FRMPD4: variants seen among roughly 807,000 people sequenced by gnomAD.
FRMPD4 encodes FERM and PDZ domain containing 4.
A neutral mutation model predicts 94.1 loss-of-function variants in FRMPD4; 22 were observed. The observed-to-expected ratio is 0.23, with a 90% CI of 0.17 to 0.33. FRMPD4 has a LOEUF of 0.33. Among genes scored for constraint, FRMPD4 ranks in the 10% least tolerant of loss-of-function variants. FRMPD4 has a pLI of 1.00. For synonymous variants in FRMPD4, 631 were observed against 548.6 expected, an observed-to-expected ratio of 1.15 and a Z score of -2.10; for missense variants, 1,111 against 1,339.9, an observed-to-expected ratio of 0.83 and a Z score of 2.67.
At chrX:11,980,945 G>T (rs1234291924) in intron 3 of FRMPD4, among the ~76,000 whole-genome samples, 1 of 111,307 alleles carries the variant, frequency 9.0e-6, no homozygotes, top group Non-Finnish European at 1.9e-5. Context: ...CCGCCCCTGG[G>T]CCATTGTAGT....
chrX:11,967,690 A>T (rs1280356030), intron 3 of FRMPD4, among the ~76,000 whole-genome samples: 1 of 108,283 alleles, frequency 9.2e-6, no homozygotes, highest in Non-Finnish European at 1.9e-5. Context: ...GCTGGACTTA[A>T]CAGGAACCGG....
At chrX:11,927,377 C>T (rs1003946036) in intron 3 of FRMPD4, among the ~76,000 whole-genome samples, 1 of 111,872 alleles carries the variant, frequency 8.9e-6, no homozygotes, top group Non-Finnish European at 1.9e-5. Flanking sequence ...TGAGAATCTT[C>T]ACAGAACTAG....
chrX:12,704,846 T>C (rs1314634158), intron 11 of FRMPD4, among the ~76,000 whole-genome samples: 1 of 112,229 alleles, frequency 8.9e-6, no homozygotes, highest in Non-Finnish European at 1.9e-5. Context: ...CCAGCTTCAA[T>C]GCACAACAGC....
chrX:12,460,924 TAAGTTTGTCATTTACCTTCTTGG>T (rs1384396446), intron 1 of FRMPD4, among the ~76,000 whole-genome samples: 1 of 112,376 alleles, frequency 8.9e-6, no homozygotes, highest in Non-Finnish European at 1.9e-5. Context: ...CATGTTTATG[TAAGTTTGTCATTTACCTTCTTGG>T]AAGAGATTGT....
intron 1 of FRMPD4, among the ~76,000 whole-genome samples, chrX:12,298,823 C>T (rs983026734): frequency 1.8e-5 from 2 of 112,501 alleles, no homozygotes; most frequent in African/African-American, 6.5e-5. Context: ...CCCTCCACCT[C>T]TCTCTGTGTA....
At chrX:12,199,707 T>A (rs1039868099) in intron 1 of FRMPD4, among the ~76,000 whole-genome samples, 1 of 112,043 alleles carries the variant, frequency 8.9e-6, no homozygotes, top group Middle Eastern at 4.6e-3. Context: ...GCAGAGCCAA[T>A]TTATCAAGAC....
At chrX:12,266,120 G>A (rs1362394243) in intron 1 of FRMPD4, among the ~76,000 whole-genome samples, 11 of 70,898 alleles carry the variant, frequency 1.6e-4, no homozygotes, top group Non-Finnish European at 1.9e-4. Context: ...GCGACACAGC[G>A]AGACTCCGTC....
intron 1 of FRMPD4, among the ~76,000 whole-genome samples, chrX:12,483,788 T>C (rs1035800622): frequency 1.8e-5 from 2 of 112,270 alleles, no homozygotes; most frequent in African/African-American, 3.2e-5. Context: ...TTTCTAAGTT[T>C]TTAAAACACC....
chrX:12,472,813 T>G (rs1164911817), intron 1 of FRMPD4, among the ~76,000 whole-genome samples: 1 of 103,411 alleles, frequency 9.7e-6, no homozygotes. Context: ...TGGGACTATG[T>G]GAAAAGACCA....
chrX:12,267,614 T>G (rs936784643), intron 1 of FRMPD4, among the ~76,000 whole-genome samples: 3 of 109,023 alleles, frequency 2.8e-5, no homozygotes, highest in Non-Finnish European at 5.8e-5. Context: ...ATGGTTCGCT[T>G]GAATATTTTG....
At chrX:12,069,677 G>T (rs770344617) in intron 3 of FRMPD4, among the ~76,000 whole-genome samples, 1 of 111,802 alleles carries the variant, frequency 8.9e-6, no homozygotes, top group South Asian at 3.8e-4. Flanking sequence ...AAGGAAGAGG[G>T]CTGGGCCCAG....
At chrX:11,884,391 A>C (rs1249765546) in intron 3 of FRMPD4, among the ~76,000 whole-genome samples, 1 of 111,907 alleles carries the variant, frequency 8.9e-6, no homozygotes, top group South Asian at 3.7e-4. Context: ...TTTATTGATC[A>C]GTGTTATGTT....
At position 12,208,893 on chromosome X, in the gene FRMPD4, T is replaced by C. The variant is rs146563163; in HGVS notation, c.41+69881T>C. Among the ~76,000 whole-genome samples, 60 of 112,198 alleles carry C rather than the reference T, an allele frequency of 5.3e-4. No homozygotes were observed. The East Asian group carries it at 0.016, about 30-fold the overall frequency. On this transcript the variant is annotated intron_variant, in intron 1 of 16. Transcript: ENST00000675598. Reference sequence around the variant, plus strand: ...TATCTTTGGCAAAATTATGCATCAATTGGAAGAAACTACAACAACAATTAT... The same window carrying C: ...TATCTTTGGCAAAATTATGCATCAACTGGAAGAAACTACAACAACAATTAT...
At chrX:12,395,238 G>T (rs1318376132) in intron 1 of FRMPD4, among the ~76,000 whole-genome samples, 1 of 112,166 alleles carries the variant, frequency 8.9e-6, no homozygotes, top group African/African-American at 3.2e-5. Context: ...GGGGAATTGT[G>T]AACTGTAAGG....
At chrX:12,424,013 C>T (rs756108303) in intron 1 of FRMPD4, among the ~76,000 whole-genome samples, 1 of 112,429 alleles carries the variant, frequency 8.9e-6, no homozygotes, top group South Asian at 3.7e-4. Context: ...TAAAACATAT[C>T]ATGCCCTTTT....
At chrX:12,360,004 G>A (rs2055959650) in intron 1 of FRMPD4, among the ~76,000 whole-genome samples, 1 of 111,843 alleles carries the variant, frequency 8.9e-6, no homozygotes, top group African/African-American at 3.2e-5. Flanking sequence ...TGATGGAGCT[G>A]CCCCTTCTGA....
chrX:12,320,618 A>G (rs1299196675), intron 1 of FRMPD4, among the ~76,000 whole-genome samples: 2 of 112,091 alleles, frequency 1.8e-5, no homozygotes, highest in Non-Finnish European at 3.8e-5. Flanking sequence ...CTGGGACTCC[A>G]GGTAGGTAGC....
At chrX:12,195,245 GC>G (rs749050400) in intron 1 of FRMPD4, among the ~76,000 whole-genome samples, 3 of 111,751 alleles carry the variant, frequency 2.7e-5, no homozygotes, top group Non-Finnish European at 5.6e-5. Flanking sequence ...AATCCAAATG[GC>G]TGTTGAGACA....
At chrX:12,583,978 C>T (rs1371873188) in intron 2 of FRMPD4, among the ~76,000 whole-genome samples, 1 of 111,677 alleles carries the variant, frequency 9.0e-6, no homozygotes, top group Non-Finnish European at 1.9e-5. Flanking sequence ...TCCCCTCGGC[C>T]CTAAGGAGCA....
Sources: allele counts gnomAD v4.1 joint callset (sites outside exome capture counted in the v4.1 genomes callset), GRCh38; gene constraint gnomAD v4.1.1; transcripts MANE v1.5; gene names NCBI Gene and HGNC (gene_info 2026-07-23, HGNC 2026-07-21).